CTTNBP2: variants seen among roughly 807,000 people sequenced by gnomAD.
The protein encoded by CTTNBP2 is cortactin-binding protein 2.
In CTTNBP2, 108 loss-of-function variants were observed where a neutral mutation model predicts 156.9. That is an observed-to-expected ratio of 0.69 (90% confidence interval 0.59 to 0.81). The LOEUF (loss-of-function observed/expected upper bound fraction) is 0.81. Among genes scored for constraint, CTTNBP2 ranks in the 30% least tolerant of loss-of-function variants. The probability of loss-of-function intolerance (pLI) is 0.00; values close to 1 mark genes in which losing one functional copy is unlikely to be tolerated. For synonymous variants in CTTNBP2, 767 were observed against 751.8 expected (o/e 1.02, Z -0.33); for missense variants, 1,924 against 2,035.4 (o/e 0.95, Z 1.05).
Position 117,803,906 on chromosome 7 carries a change from G to A in CTTNBP2, c.414+6859C>T, listed in dbSNP as rs141221919. Among the ~76,000 whole-genome samples, 268 of 152,208 alleles carry A rather than the reference G, an allele frequency of 1.8e-3. 3 individuals are homozygous for A. Among genetic ancestry groups the A allele is most frequent in the Middle Eastern group, 0.014 (4 of 294 alleles). The stretch of plus-strand genomic sequence containing the variant: ...TGATTTTTAATAATTTCATATGGTA[G>A]ATTAAATTTGAATAACTGCTTTTTG... On this transcript the variant is annotated intron_variant, in intron 3 of 22. Coordinates refer to ENST00000160373, the MANE Select transcript of CTTNBP2 (RefSeq NM_033427.3).
chr7:117,873,185 C>G, intron 1 of CTTNBP2, 150 bp downstream of exon 1: 1 of 568,290 alleles, frequency 1.8e-6, no homozygotes, highest in South Asian at 5.9e-5. Context: ...GTGGGCATCC[C>G]GAGGAAGGGG....
intron 2 of CTTNBP2, among the ~76,000 whole-genome samples, chr7:117,827,487 A>C (rs560092241): frequency 6.6e-6 from 1 of 152,346 alleles, no homozygotes; most frequent in African/African-American, 2.4e-5. Context: ...AACAGAAAAA[A>C]AATTCCCAAT....
intron 16 of CTTNBP2, among the ~76,000 whole-genome samples, chr7:117,733,560 T>A (rs1459895509): frequency 6.6e-6 from 1 of 152,234 alleles, no homozygotes; most frequent in African/African-American, 2.4e-5. Flanking sequence ...TACAGACCTA[T>A]GACTGTCTTT....
At chr7:117,804,967 C>T (rs1318192142) in intron 3 of CTTNBP2, among the ~76,000 whole-genome samples, 1 of 152,108 alleles carries the variant, frequency 6.6e-6, no homozygotes, top group Non-Finnish European at 1.5e-5. Flanking sequence ...GAAAAATGAC[C>T]CATTTCAAGC....
chr7:117,863,521 CT>C (rs1048630080), intron 1 of CTTNBP2, among the ~76,000 whole-genome samples: 2 of 152,230 alleles, frequency 1.3e-5, no homozygotes, highest in African/African-American at 4.8e-5. Flanking sequence ...GGCTCCACCC[CT>C]GGAAATTGTG....
In CTTNBP2 at chr7:117,718,018, CT is replaced by C; in HGVS notation, c.4745del (p.Lys1582ArgfsTer58). Reference sequence around the variant, plus strand: ...ACTTTGGGGAGAAAGGGACACTTACCTTTTGTGACACTGGCATTCTCAGATT... The same window carrying C: ...ACTTTGGGGAGAAAGGGACACTTACCTTTGTGACACTGGCATTCTCAGATT... ...INNLRMPVSQKEVSPLSSHQT... is the reference protein window; with the variant it reads ...INNLRMPVSQXEVSPLSSHQT... On this transcript the variant is annotated frameshift_variant and splice_region_variant, in exon 22 of 23. Coordinates refer to ENST00000160373, the MANE Select transcript of CTTNBP2 (RefSeq NM_033427.3). LOFTEE classifies it high-confidence loss of function. The C allele has an allele frequency of 6.3e-7, 1 of 1,591,910 alleles. No homozygotes were observed.
At chr7:117,861,436 G>A (rs1382443223) in intron 1 of CTTNBP2, 120 bp from the exon 2 acceptor site, 1 of 671,582 alleles carries the variant, frequency 1.5e-6, no homozygotes, top group Admixed American at 2.6e-5. Flanking sequence ...GCAGGCACCG[G>A]GGTACTATTT....
intron 2 of CTTNBP2, among the ~76,000 whole-genome samples, chr7:117,834,638 G>T (rs1018598902): frequency 2.0e-4 from 30 of 152,250 alleles, no homozygotes; most frequent in Middle Eastern, 3.4e-3. Context: ...ATAAAGAAAA[G>T]AATATGTACC....
At position 117,735,386 on chromosome 7, in the gene CTTNBP2, T is replaced by C. The variant is rs200696368; in HGVS notation, c.3571A>G (p.Lys1191Glu). 3.7e-5 allele frequency: 59 copies of C among 1,613,644 alleles called. No homozygotes were observed. In the African/African-American group the frequency reaches 6.8e-4, roughly 19 times the overall value. The change falls in exon 15 of 23, where the codon AAG (lysine) becomes GAG (glutamate). Residue 1191 changes from lysine to glutamate, a missense_variant. Coordinates refer to ENST00000160373, the MANE Select transcript of CTTNBP2 (RefSeq NM_033427.3). The part of the protein sequence containing the change: ...LIPVKQSPSK[K>E]KIIIILENLE... ...TTTTCTAAAATGATGATGATTTTCT[T>C]CTTACTGGGAGATTGTTTCACTGGG...
At chr7:117,715,580 A>C (rs886904277) in intron 22 of CTTNBP2, among the ~76,000 whole-genome samples, 1 of 152,016 alleles carries the variant, frequency 6.6e-6, no homozygotes, top group Non-Finnish European at 1.5e-5. Flanking sequence ...AAAGGAAAAC[A>C]TTTATTAACA....
intron 11 of CTTNBP2, 28 bp from the exon 12 acceptor site, chr7:117,756,662 T>G (rs1011010747): frequency 7.1e-7 from 1 of 1,401,396 alleles, no homozygotes; most frequent in Admixed American, 1.7e-5. Context: ...CGAAGAAAAA[T>G]GGGTGTTCCC....
At chr7:117,760,128 C>A in intron 10 of CTTNBP2, 1 of 368,134 alleles carries the variant, frequency 2.7e-6, no homozygotes, top group African/African-American at 2.0e-5. Context: ...TGCGCAAAAG[C>A]AAGCAGCTGT....
At chr7:117,868,026 C>T (rs1443820113) in intron 1 of CTTNBP2, among the ~76,000 whole-genome samples, 2 of 152,160 alleles carry the variant, frequency 1.3e-5, no homozygotes, top group African/African-American at 4.8e-5. Flanking sequence ...AGCTACCTCC[C>T]TTTTCCTCCT....
intron 14 of CTTNBP2, among the ~76,000 whole-genome samples, chr7:117,737,667 G>A (rs1005692235): frequency 9.2e-5 from 14 of 152,072 alleles, no homozygotes; most frequent in East Asian, 1.9e-4. Context: ...TCCACCTCCC[G>A]GGTTCAAGTG....
intron 12 of CTTNBP2, among the ~76,000 whole-genome samples, chr7:117,756,316 G>A (rs1167051582): frequency 6.6e-6 from 1 of 152,054 alleles, no homozygotes; most frequent in Non-Finnish European, 1.5e-5. Context: ...CCAAATTATG[G>A]CATTTCACAG....
At position 117,719,634 on chromosome 7, in the gene CTTNBP2, G is replaced by T; in HGVS notation, c.4514C>A (p.Ser1505Tyr). 1 of 1,609,306 alleles carries T rather than the reference G, an allele frequency of 6.2e-7. No homozygotes were observed. Among genetic ancestry groups the T allele is most frequent in the South Asian group, 1.1e-5 (1 of 90,352 alleles). ...NRNASLSKQKSLENDLSLTLN... is the reference protein window; with the variant it reads ...NRNASLSKQKYLENDLSLTLN... ...CGTCAGTGATAGATCATTCTCTAAA[G>T]ACCTAACACAAAGTTCAGAAAAACG... The change falls in exon 21 of 23, where the codon TCT becomes TAT. Residue 1505 changes from serine (S) to tyrosine (Y), a missense_variant and splice_region_variant. Ser to Tyr is a moderately radical substitution (Grantham distance 144, BLOSUM62 -2). Coordinates refer to ENST00000160373, the MANE Select transcript of CTTNBP2 (RefSeq NM_033427.3).
At chr7:117,843,719 AGATAACTC>A (rs745327179) in intron 2 of CTTNBP2, among the ~76,000 whole-genome samples, 1 of 152,170 alleles carries the variant, frequency 6.6e-6, no homozygotes, top group Non-Finnish European at 1.5e-5. Flanking sequence ...TGTTTTAACA[AGATAACTC>A]GATGACTATG....
intron 1 of CTTNBP2, among the ~76,000 whole-genome samples, chr7:117,865,651 A>ACAG (rs1804127502): frequency 6.9e-6 from 1 of 145,958 alleles, no homozygotes; most frequent in Admixed American, 7.0e-5. Context: ...CAGCCTGGTG[A>ACAG]CAGAACAAGA....
chr7:117,833,645 T>C, intron 2 of CTTNBP2, among the ~76,000 whole-genome samples: 1 of 152,228 alleles, frequency 6.6e-6, no homozygotes, highest in Admixed American at 6.5e-5. Context: ...AGATCCTCAC[T>C]GAATTCTTCA....
Sources: allele counts gnomAD v4.1 joint callset (sites outside exome capture counted in the v4.1 genomes callset), GRCh38; gene constraint gnomAD v4.1.1; transcripts MANE v1.5; gene names NCBI Gene and HGNC (gene_info 2026-07-23, HGNC 2026-07-21).